The following LRMDA variants were observed in gnomAD, a reference collection of about 807,000 sequenced individuals.
LRMDA encodes leucine-rich melanocyte differentiation-associated protein.
In LRMDA, 18 loss-of-function variants were observed where a neutral mutation model predicts 29.8. That is an observed-to-expected ratio of 0.60 (90% CI 0.42 to 0.90). LRMDA has a LOEUF of 0.90. Ranked by LOEUF, LRMDA falls within the 40% of genes least tolerant of loss-of-function variation. The pLI, the probability that LRMDA is intolerant of heterozygous loss-of-function variation, is 0.00. For missense variants in LRMDA, 273 were observed against 273.9 expected, an observed-to-expected ratio of 1.00 and a Z score of 0.02; for synonymous variants, 125 against 109.4, an observed-to-expected ratio of 1.14 and a Z score of -0.89.
chr10:76,214,432 C>T (rs1851692651), intron 5 of LRMDA, among the ~76,000 whole-genome samples: 1 of 151,018 alleles, frequency 6.6e-6, no homozygotes, highest in East Asian at 2.0e-4. Flanking sequence ...GTAAGCTCCG[C>T]TTCCCAGGTT....
At chr10:76,189,083 C>G (rs182122621) in intron 5 of LRMDA, among the ~76,000 whole-genome samples, 48 of 152,132 alleles carry the variant, frequency 3.2e-4, no homozygotes, top group African/African-American at 1.1e-3. Flanking sequence ...TTAGGCCAGG[C>G]GTGGTGACTC....
intron 2 of LRMDA, among the ~76,000 whole-genome samples, chr10:75,797,855 A>T (rs1011415707): frequency 6.6e-6 from 1 of 152,118 alleles, no homozygotes. Context: ...CATATATTTC[A>T]CTTCATTTGG....
intron 5 of LRMDA, among the ~76,000 whole-genome samples, chr10:76,264,298 T>A (rs1233925165): frequency 6.6e-6 from 1 of 151,352 alleles, no homozygotes; most frequent in Non-Finnish European, 1.5e-5. Context: ...TCCCAGCTAC[T>A]TGGGAGGCTG....
chr10:75,431,883 A>G, intron 1 of LRMDA, 129 bp downstream of exon 1: 1 of 941,228 alleles, frequency 1.1e-6, no homozygotes, highest in Non-Finnish European at 1.4e-6. Flanking sequence ...GCAGGGGGTG[A>G]GCTTCAGGTG....
chr10:75,636,815 T>C (rs1237045894), intron 2 of LRMDA, among the ~76,000 whole-genome samples: 2 of 152,166 alleles, frequency 1.3e-5, no homozygotes, highest in Non-Finnish European at 2.9e-5. Context: ...AGATCTCTCC[T>C]TTTTCTTCTA....
At chr10:75,476,312 A>G (rs946034223) in intron 2 of LRMDA, among the ~76,000 whole-genome samples, 5 of 152,168 alleles carry the variant, frequency 3.3e-5, no homozygotes, top group Non-Finnish European at 7.3e-5. Context: ...GAGGGAGTGT[A>G]GTAACATCAG....
At chr10:76,413,727 C>A (rs980528235) in intron 6 of LRMDA, among the ~76,000 whole-genome samples, 8 of 152,114 alleles carry the variant, frequency 5.3e-5, no homozygotes, top group African/African-American at 1.9e-4. Context: ...AAGAAAGCTC[C>A]CCAAAGGCAG....
chr10:75,917,388 A>G (rs1845951673), intron 2 of LRMDA, among the ~76,000 whole-genome samples: 2 of 152,038 alleles, frequency 1.3e-5, no homozygotes, highest in African/African-American at 4.8e-5. Context: ...TGCTCTAGAG[A>G]ACACGACTCC....
intron 2 of LRMDA, among the ~76,000 whole-genome samples, chr10:75,843,154 A>G (rs531656342): frequency 1.5e-4 from 23 of 152,258 alleles, no homozygotes; most frequent in Non-Finnish European, 2.8e-4. Flanking sequence ...GGAAAAAAAT[A>G]GGCTTTTAAG....
chr10:75,839,700 CTTTTTTTTTT>C (rs1160178913), intron 2 of LRMDA, among the ~76,000 whole-genome samples: 2 of 82,796 alleles, frequency 2.4e-5, no homozygotes, highest in South Asian at 4.5e-4. Context: ...ATCCGACTTT[CTTTTTTTTTT>C]TTTTTTTTTT....
At chr10:76,529,961 G>A (rs1313054125) in intron 6 of LRMDA, among the ~76,000 whole-genome samples, 1 of 152,134 alleles carries the variant, frequency 6.6e-6, no homozygotes, top group Admixed American at 6.6e-5. Context: ...AAGTCTTTGA[G>A]GCCAAGCATA....
chr10:76,032,308 C>T (rs867968144), intron 2 of LRMDA, among the ~76,000 whole-genome samples: 13 of 152,324 alleles, frequency 8.5e-5, no homozygotes, highest in South Asian at 2.1e-4. Flanking sequence ...CCATGCCAGC[C>T]ACTGGCCTGG....
intron 5 of LRMDA, among the ~76,000 whole-genome samples, chr10:76,320,685 G>T (rs1840760331): frequency 6.6e-6 from 1 of 152,186 alleles, no homozygotes; most frequent in African/African-American, 2.4e-5. Flanking sequence ...ATGAACACAT[G>T]TAGAGATCAT....
At chr10:75,540,353 G>A (rs150961701) in intron 2 of LRMDA, among the ~76,000 whole-genome samples, 2 of 152,312 alleles carry the variant, frequency 1.3e-5, no homozygotes, top group East Asian at 1.9e-4. Context: ...AACACCAATG[G>A]TGGGCATGCT....
chr10:75,715,039 G>T (rs1161436454), intron 2 of LRMDA, among the ~76,000 whole-genome samples: 1 of 152,058 alleles, frequency 6.6e-6, no homozygotes, highest in Non-Finnish European at 1.5e-5. Flanking sequence ...TTCACATCCC[G>T]TTTGTCAGCG....
At chr10:76,347,861 C>T (rs1472093886) in intron 6 of LRMDA, among the ~76,000 whole-genome samples, 1 of 152,042 alleles carries the variant, frequency 6.6e-6, no homozygotes, top group South Asian at 2.1e-4. Context: ...TGGTTTAACC[C>T]TTCTATTAAC....
At chr10:76,269,299 A>G (rs141187807) in intron 5 of LRMDA, among the ~76,000 whole-genome samples, 1 of 152,092 alleles carries the variant, frequency 6.6e-6, no homozygotes, top group Non-Finnish European at 1.5e-5. Flanking sequence ...ACATGCTCCA[A>G]TTTGCCTCAT....
At chr10:75,653,487 C>T (rs148372079) in intron 2 of LRMDA, among the ~76,000 whole-genome samples, 2 of 152,200 alleles carry the variant, frequency 1.3e-5, no homozygotes, top group East Asian at 3.9e-4. Flanking sequence ...TTAAATTTGC[C>T]CCTTCCCCAA....
chr10:76,474,988 A>G (rs1292803562), intron 6 of LRMDA, among the ~76,000 whole-genome samples: 1 of 151,858 alleles, frequency 6.6e-6, no homozygotes, highest in Non-Finnish European at 1.5e-5. Context: ...GAGTGCATAA[A>G]TAAAATGCAG....
Sources: gnomAD v4.1 joint callset for allele counts (sites outside exome capture counted in the v4.1 genomes callset) on GRCh38, gnomAD v4.1.1 for gene constraint, MANE v1.5 for transcripts, NCBI Gene and HGNC (gene_info 2026-07-23, HGNC 2026-07-21) for gene names.